DLGAP1: variants seen among roughly 807,000 people sequenced by gnomAD.
DLGAP1 encodes disks large-associated protein 1.
In DLGAP1, 11 loss-of-function variants were observed where a neutral mutation model predicts 90.8. That is an observed-to-expected ratio of 0.12 (90% CI 0.08 to 0.20). The LOEUF (loss-of-function observed/expected upper bound fraction) is 0.20, where lower values mean the gene tolerates loss of function less well. Among genes scored for constraint, DLGAP1 ranks in the 10% least tolerant of loss-of-function variants. DLGAP1 has a pLI of 1.00. For missense variants in DLGAP1, 1,050 were observed against 1,333.8 expected (o/e 0.79, Z 3.31); for synonymous variants, 558 against 540.7 (o/e 1.03, Z -0.44).
rs2081649433 is a variant in DLGAP1, at chr18:4,362,405, A to G, written c.-267+92601T>C. Among the ~76,000 whole-genome samples, 5 of 152,344 alleles carry G rather than the reference A, an allele frequency of 3.3e-5. 1 individual carries two copies. The South Asian group carries it at 1.0e-3, about 32-fold the overall frequency. ...TATGATGGAATATTATTCAGCCTTA[A>G]AAAGAAATAAAATTCTGACAACATG... On this transcript the variant is annotated intron_variant, in intron 1 of 12. Transcript: ENST00000315677.
intron 2 of DLGAP1, among the ~76,000 whole-genome samples, chr18:4,018,449 A>G (rs1375977764): frequency 6.6e-6 from 1 of 152,254 alleles, no homozygotes; most frequent in African/African-American, 2.4e-5. Context: ...TACAGCTGAG[A>G]GCTGTCAGGT....
intron 1 of DLGAP1, among the ~76,000 whole-genome samples, chr18:4,190,963 T>C (rs2077387637): frequency 6.6e-6 from 1 of 152,172 alleles, no homozygotes; most frequent in Non-Finnish European, 1.5e-5. Flanking sequence ...GTGAAATACA[T>C]TAAATAAGAA....
rs1188395538 is a variant in DLGAP1 at position 3,498,380 on chromosome 18, C to T, written c.*805G>A. On this transcript the variant is annotated 3_prime_UTR_variant, in exon 13 of 13. Coordinates refer to ENST00000315677, the MANE Select transcript of DLGAP1 (RefSeq NM_004746.4). ...AAAATCCCTTATGTAGTATACTAAA[C>T]CATCAGTGCCTCCTTTGCCTTGCTT... 2.6e-5 allele frequency: 4 copies of T among 152,190 alleles called. No individual in the cohort carries two copies. The highest frequency in any genetic ancestry group is 7.2e-5 in the African/African-American group (3 of 41,430). 9.4% of individuals were successfully genotyped at this position (152,190 alleles called of 1,614,324 possible).
intron 1 of DLGAP1, among the ~76,000 whole-genome samples, chr18:4,324,031 T>C (rs1179698278): frequency 6.6e-6 from 1 of 151,166 alleles, no homozygotes; most frequent in South Asian, 2.1e-4. Flanking sequence ...AGAGTGAAAC[T>C]GAAGGAAATT....
chr18:4,344,025 G>A (rs1207265141), intron 1 of DLGAP1, among the ~76,000 whole-genome samples: 1 of 152,108 alleles, frequency 6.6e-6, no homozygotes, highest in Non-Finnish European at 1.5e-5. Context: ...AAGTGAAAAG[G>A]TGTCCTGAGA....
rs967551579 is a variant in DLGAP1 at position 3,711,525 on chromosome 18, G to T, written c.1591+17610C>A. On this transcript the variant is annotated intron_variant, in intron 7 of 12. Transcript: ENST00000315677. This position sits in a 1 kb window ranked among gnomAD's most constrained non-coding sequence, Gnocchi z 4.0. ...GTATCCCACCCAGATCATCAGCTGT[G>T]TTGACTGTGGTGAGGAATAAGACAG... Among the ~76,000 whole-genome samples, 2 of 152,224 alleles carry T rather than the reference G, an allele frequency of 1.3e-5. No homozygotes were observed. Among genetic ancestry groups the T allele is most frequent in the Admixed American group, 6.5e-5 (1 of 15,286 alleles).
intron 2 of DLGAP1, among the ~76,000 whole-genome samples, chr18:4,123,415 C>A (rs560394230): frequency 6.6e-6 from 1 of 152,154 alleles, no homozygotes; most frequent in South Asian, 2.1e-4. Flanking sequence ...CATAAGGATG[C>A]ACAGAGGAGA....
chr18:3,971,163 G>C (rs1231745174), intron 3 of DLGAP1, among the ~76,000 whole-genome samples: 3 of 152,180 alleles, frequency 2.0e-5, no homozygotes, highest in African/African-American at 7.2e-5. Flanking sequence ...CCAGCTTTCA[G>C]TCTGTAGCAT....
chr18:4,165,917 G>A (rs1207178621), intron 1 of DLGAP1, among the ~76,000 whole-genome samples: 2 of 152,138 alleles, frequency 1.3e-5, no homozygotes, highest in Admixed American at 6.6e-5. Flanking sequence ...AACACTTTGG[G>A]AGGCTAAGGT....
At chr18:3,847,918 G>A (rs971972388) in intron 4 of DLGAP1, among the ~76,000 whole-genome samples, 10 of 151,944 alleles carry the variant, frequency 6.6e-5, no homozygotes, top group African/African-American at 2.4e-4. Context: ...TTGGGAAGCT[G>A]AGATGTTTGA....
chr18:3,840,891 T>C (rs1007513759), intron 4 of DLGAP1, among the ~76,000 whole-genome samples: 1 of 152,242 alleles, frequency 6.6e-6, no homozygotes, highest in African/African-American at 2.4e-5. Flanking sequence ...CGGAACACCC[T>C]GTTGCCTCTC....
At chr18:4,440,723 C>G (rs1363289849) in intron 1 of DLGAP1, among the ~76,000 whole-genome samples, 3 of 152,204 alleles carry the variant, frequency 2.0e-5, no homozygotes, top group Non-Finnish European at 4.4e-5. Context: ...ACTATTCAAT[C>G]AGTTTTACAT....
chr18:4,061,039 C>T (rs748698410), intron 2 of DLGAP1, among the ~76,000 whole-genome samples: 3 of 152,162 alleles, frequency 2.0e-5, no homozygotes, highest in Non-Finnish European at 4.4e-5. Flanking sequence ...GCTAGCCATG[C>T]CCTCTAGCTA....
intron 10 of DLGAP1, among the ~76,000 whole-genome samples, 191 bp downstream of exon 10, chr18:3,534,003 C>A (rs2144487703): frequency 6.6e-6 from 1 of 152,204 alleles, no homozygotes; most frequent in Middle Eastern, 3.4e-3. Flanking sequence ...CAGGAGTTTT[C>A]TTGGTTTTGT....
At chr18:3,875,701 G>A (rs1475410262) in intron 4 of DLGAP1, among the ~76,000 whole-genome samples, 1 of 152,110 alleles carries the variant, frequency 6.6e-6, no homozygotes, top group African/African-American at 2.4e-5. Flanking sequence ...CATACAGTAG[G>A]CATCTCTGAA....
chr18:3,552,419 G>A (rs1363025234), intron 9 of DLGAP1, among the ~76,000 whole-genome samples: 1 of 152,106 alleles, frequency 6.6e-6, no homozygotes, highest in Non-Finnish European at 1.5e-5. Context: ...ACTGTAGGGT[G>A]ATCTGGCTGG....
chr18:4,373,706 G>A (rs528039834), intron 1 of DLGAP1, among the ~76,000 whole-genome samples: 1 of 152,168 alleles, frequency 6.6e-6, no homozygotes, highest in South Asian at 2.1e-4. Context: ...TTATCACATA[G>A]AGTATTTATT....
Position 3,729,337 on chromosome 18 carries a change from C to A in DLGAP1, c.1389G>T (p.Val463=). ...EMEVNGQFES[V]CESVFSELES... Reference sequence around the variant, plus strand: ...CCAGCTCGCTGAACACGGACTCGCACACGGACTCGAACTGCCCGTTCACTT... The same window carrying A: ...CCAGCTCGCTGAACACGGACTCGCAAACGGACTCGAACTGCCCGTTCACTT... The change falls in exon 7 of 13, where the codon GTG becomes GTT. Residue 463 remains valine (V), a synonymous_variant. Transcript: ENST00000315677. The surrounding 1 kb of genome is among the most constrained non-coding windows in gnomAD (Gnocchi z 6.2). The A allele has an allele frequency of 6.2e-7, 1 of 1,613,996 alleles. No homozygotes were observed. Among genetic ancestry groups the A allele is most frequent in the Non-Finnish European group, 8.5e-7 (1 of 1,179,904 alleles).
rs116190902 is a variant in DLGAP1, at chr18:4,384,450, T to G, written c.-267+70556A>C. Among the ~76,000 whole-genome samples, 1,139 of 152,290 alleles carry G rather than the reference T, an allele frequency of 7.5e-3. 13 individuals are homozygous for G. The highest frequency in any genetic ancestry group is 0.026 in the African/African-American group (1,083 of 41,558). On this transcript the variant is annotated intron_variant, in intron 1 of 12. Transcript: ENST00000315677. ...AGTCCACTTTGATGACAGAATGTAATAGCAGGGATTAGTTCATTTTCATAC... is the reference window on the plus strand; with the variant it reads ...AGTCCACTTTGATGACAGAATGTAAGAGCAGGGATTAGTTCATTTTCATAC...
Sources: gnomAD v4.1 joint callset for allele counts (sites outside exome capture counted in the v4.1 genomes callset) on GRCh38, gnomAD v4.1.1 for gene constraint, Gnocchi (gnomAD v3.1) non-coding constraint, MANE v1.5 for transcripts, NCBI Gene and HGNC (gene_info 2026-07-23, HGNC 2026-07-21) for gene names.